DDHD1: variants seen among roughly 807,000 people sequenced by gnomAD.
The protein encoded by DDHD1 is phospholipase DDHD1.
DDHD1 carries 49 observed loss-of-function variants against 96.4 expected under a neutral mutation model. The observed-to-expected ratio is 0.51, with a 90% CI of 0.40 to 0.64. The LOEUF (loss-of-function observed/expected upper bound fraction) is 0.64. Among genes scored for constraint, DDHD1 ranks in the 30% least tolerant of loss-of-function variants. The pLI is 0.00. For missense variants in DDHD1, 1,106 were observed against 1,161.2 expected (o/e 0.95, Z 0.69); for synonymous variants, 442 against 446.5 (o/e 0.99, Z 0.13).
At chr14:53,098,533 G>A (rs1887059813) in intron 2 of DDHD1, among the ~76,000 whole-genome samples, 1 of 151,942 alleles carries the variant, frequency 6.6e-6, no homozygotes. Flanking sequence ...CAACTATAAT[G>A]AGAAAATTTC....
At chr14:53,104,813 T>C (rs1390921289) in intron 1 of DDHD1, among the ~76,000 whole-genome samples, 1 of 151,812 alleles carries the variant, frequency 6.6e-6, no homozygotes, top group African/African-American at 2.4e-5. Context: ...AAAAGCAAAA[T>C]GAAACAAATG....
At chr14:53,104,134 G>A (rs935822879) in intron 1 of DDHD1, among the ~76,000 whole-genome samples, 13 of 152,210 alleles carry the variant, frequency 8.5e-5, no homozygotes, top group Admixed American at 5.9e-4. Context: ...TGGTTTTGCC[G>A]TGTTGCCCAG....
rs1881301135 is a variant in DDHD1 at position 53,036,895 on chromosome 14, T to C, written c.*9873A>G. On this transcript the variant is annotated 3_prime_UTR_variant, in exon 13 of 13. Transcript: ENST00000673822. Reference sequence around the variant, plus strand: ...CCCATCACCCAGGTAGTGAGCATAGTACCCAATAGGTAGTTTTTCAACCTA... The same window carrying C: ...CCCATCACCCAGGTAGTGAGCATAGCACCCAATAGGTAGTTTTTCAACCTA... The C allele has an allele frequency of 6.6e-6, 1 of 152,180 alleles. No individual in the cohort carries two copies. The highest frequency in any genetic ancestry group is 1.5e-5 in the Non-Finnish European group (1 of 68,060). 9.4% of individuals were successfully genotyped at this position (152,180 alleles called of 1,614,324 possible).
At chr14:53,133,884 A>C (rs1024032003) in intron 1 of DDHD1, among the ~76,000 whole-genome samples, 1 of 152,096 alleles carries the variant, frequency 6.6e-6, no homozygotes, top group Admixed American at 6.5e-5. Context: ...ACCTCGATGG[A>C]CCAGACCCTA....
At chr14:53,065,021 G>A (rs1883902395) in intron 6 of DDHD1, among the ~76,000 whole-genome samples, 1 of 152,040 alleles carries the variant, frequency 6.6e-6, no homozygotes, top group African/African-American at 2.4e-5. Context: ...TCTCAGCCAA[G>A]ATTAACAATA....
chr14:53,059,327 C>A (rs945176831), intron 8 of DDHD1, among the ~76,000 whole-genome samples: 4 of 152,064 alleles, frequency 2.6e-5, no homozygotes, highest in African/African-American at 9.7e-5. Flanking sequence ...TCACTGCAAG[C>A]TCCGCCTCCT....
chr14:53,047,342 T>G (rs1413875611), intron 12 of DDHD1, among the ~76,000 whole-genome samples: 1 of 152,168 alleles, frequency 6.6e-6, no homozygotes, highest in Non-Finnish European at 1.5e-5. Flanking sequence ...TTGCATGCAA[T>G]GATGCCCGTG....
At chr14:53,143,398 T>C (rs566376827) in intron 1 of DDHD1, among the ~76,000 whole-genome samples, 7 of 152,334 alleles carry the variant, frequency 4.6e-5, no homozygotes, top group African/African-American at 1.7e-4. Flanking sequence ...TGAACACAAA[T>C]TTAATTTCCT....
At chr14:53,124,800 C>A (rs1036314492) in intron 1 of DDHD1, among the ~76,000 whole-genome samples, 2 of 152,176 alleles carry the variant, frequency 1.3e-5, no homozygotes, top group African/African-American at 4.8e-5. Flanking sequence ...GGCTGCTGTA[C>A]AAAATACTAA....
chr14:53,132,539 GC>G (rs1566596110), intron 1 of DDHD1, among the ~76,000 whole-genome samples: 2 of 152,090 alleles, frequency 1.3e-5, no homozygotes, highest in African/African-American at 4.8e-5. Context: ...CTACCTCTCA[GC>G]AAGCCGAACT....
chr14:53,061,068 CAT>C, intron 8 of DDHD1, 56 bp downstream of exon 8: 1 of 1,445,530 alleles, frequency 6.9e-7, no homozygotes, highest in Non-Finnish European at 9.5e-7. Flanking sequence ...GCATATTTCA[CAT>C]GACGTTAAAA....
chr14:53,108,872 G>A, intron 1 of DDHD1, among the ~76,000 whole-genome samples: 1 of 152,190 alleles, frequency 6.6e-6, no homozygotes, highest in South Asian at 2.1e-4. Context: ...TTTGGTTGGA[G>A]CACTGAGATG....
At chr14:53,094,002 C>T (rs1886660831) in intron 2 of DDHD1, among the ~76,000 whole-genome samples, 7 of 151,942 alleles carry the variant, frequency 4.6e-5, no homozygotes, top group Admixed American at 4.6e-4. Flanking sequence ...GGTGAAACCT[C>T]GTCTCTACAA....
At chr14:53,123,356 C>T (rs1285367641) in intron 1 of DDHD1, among the ~76,000 whole-genome samples, 1 of 151,764 alleles carries the variant, frequency 6.6e-6, no homozygotes, top group Non-Finnish European at 1.5e-5. Context: ...CCATGTTGGC[C>T]AGGCTGGTCT....
intron 1 of DDHD1, among the ~76,000 whole-genome samples, chr14:53,139,987 T>C (rs1291528413): frequency 6.6e-6 from 1 of 152,036 alleles, no homozygotes; most frequent in Non-Finnish European, 1.5e-5. Context: ...GATGAGAAAT[T>C]TCAGCATGGA....
intron 6 of DDHD1, among the ~76,000 whole-genome samples, chr14:53,066,305 C>T (rs1487958256): frequency 1.3e-5 from 2 of 152,144 alleles, no homozygotes; most frequent in Non-Finnish European, 2.9e-5. Context: ...GTGTGCACCA[C>T]CACGCCTGGC....
At chr14:53,058,695 A>G in intron 8 of DDHD1, 69 bp from the exon 9 acceptor site, 1 of 1,417,326 alleles carries the variant, frequency 7.1e-7, no homozygotes, top group Non-Finnish European at 9.6e-7. Context: ...ATTTGGGCAT[A>G]ACGTAATATA....
In DDHD1 at chr14:53,045,780, T is replaced by C. The variant is rs761379735; in HGVS notation, c.*988A>G. On this transcript the variant is annotated 3_prime_UTR_variant, in exon 13 of 13. Transcript: ENST00000673822. ...CTGTGCCTTGTGTCTCAATGGCACA[T>C]TGAGAAACAATGTGCACTAGTTAGT... 3.3e-5 allele frequency: 5 copies of C among 152,178 alleles called. No homozygotes were observed. The highest frequency in any genetic ancestry group is 5.9e-5 in the Non-Finnish European group (4 of 68,034). 9.4% of individuals were successfully genotyped at this position (152,178 alleles called of 1,614,324 possible).
At chr14:53,130,505 A>C (rs933416372) in intron 1 of DDHD1, among the ~76,000 whole-genome samples, 3 of 152,126 alleles carry the variant, frequency 2.0e-5, no homozygotes, top group Non-Finnish European at 4.4e-5. Flanking sequence ...ATCAGGACTT[A>C]ATTAACCTCG....
Sources: allele counts gnomAD v4.1 joint callset (sites outside exome capture counted in the v4.1 genomes callset), GRCh38; gene constraint gnomAD v4.1.1; transcripts MANE v1.5; gene names NCBI Gene and HGNC (gene_info 2026-07-23, HGNC 2026-07-21).